The following VAT1L variants were observed in gnomAD, a reference collection of about 807,000 sequenced individuals.
VAT1L encodes the protein vesicle amine transport 1 like, also known as putative NADPH-dependent quinone oxidoreductase VAT1L.
A neutral mutation model predicts 44.1 loss-of-function variants in VAT1L; 34 were observed. The ratio of observed to expected loss-of-function variants is 0.77; its 90% confidence interval spans 0.59 to 1.03. The LOEUF (loss-of-function observed/expected upper bound fraction) is 1.03. Among genes scored for constraint, VAT1L ranks in the 50% least tolerant of loss-of-function variants. VAT1L has a pLI of 0.00. For synonymous variants in VAT1L, 253 were observed against 202.2 expected (o/e 1.25, Z -2.13); for missense variants, 615 against 538.8 (o/e 1.14, Z -1.40).
intron 3 of VAT1L, among the ~76,000 whole-genome samples, chr16:77,846,510 C>T (rs890233038): frequency 5.3e-5 from 8 of 152,298 alleles, no homozygotes; most frequent in Middle Eastern, 3.4e-3. Flanking sequence ...GTTAGTCAAA[C>T]AGCCAGCCAG....
intron 3 of VAT1L, among the ~76,000 whole-genome samples, chr16:77,848,345 G>C (rs1244335874): frequency 6.6e-6 from 1 of 152,162 alleles, no homozygotes; most frequent in Admixed American, 6.5e-5. Context: ...GGTTGGAGTG[G>C]ATGACTCAAG....
chr16:77,854,830 T>C (rs1162988401), intron 3 of VAT1L, among the ~76,000 whole-genome samples: 1 of 152,200 alleles, frequency 6.6e-6, no homozygotes, highest in African/African-American at 2.4e-5. Flanking sequence ...AGAAGAGATA[T>C]ACAAAATTCT....
At chr16:77,916,084 C>G (rs1488499092) in intron 7 of VAT1L, among the ~76,000 whole-genome samples, 2 of 152,204 alleles carry the variant, frequency 1.3e-5, no homozygotes, top group Non-Finnish European at 2.9e-5. Context: ...GCCTGCTGTG[C>G]AGGCAGCATC....
chr16:77,945,277 A>ATTTTTTTTTT (rs1567517602), intron 7 of VAT1L, among the ~76,000 whole-genome samples: 14 of 9,274 alleles, frequency 1.5e-3, no homozygotes, highest in South Asian at 6.1e-3. Flanking sequence ...AGATTGCAGA[A>ATTTTTTTTTT]CTTTTTTTTT....
At chr16:77,892,148 AT>A (rs1408174682) in intron 7 of VAT1L, among the ~76,000 whole-genome samples, 3 of 152,164 alleles carry the variant, frequency 2.0e-5, no homozygotes, top group Non-Finnish European at 4.4e-5. Context: ...GAGTAATGTG[AT>A]TGTCAGTTCT....
chr16:77,873,422 C>T (rs1223274746), intron 4 of VAT1L, among the ~76,000 whole-genome samples: 1 of 152,168 alleles, frequency 6.6e-6, no homozygotes, highest in Non-Finnish European at 1.5e-5. Flanking sequence ...CATATAGAGA[C>T]ACAGAATAGC....
intron 3 of VAT1L, among the ~76,000 whole-genome samples, chr16:77,859,729 C>G (rs928770211): frequency 2.6e-5 from 4 of 152,284 alleles, no homozygotes; most frequent in African/African-American, 9.6e-5. Context: ...AACACAGTTT[C>G]TGAATATAGG....
At chr16:77,818,848 A>C (rs1225911283) in intron 2 of VAT1L, among the ~76,000 whole-genome samples, 1 of 152,122 alleles carries the variant, frequency 6.6e-6, no homozygotes, top group Non-Finnish European at 1.5e-5. Flanking sequence ...TATAATTTTG[A>C]CTTAAGATCT....
At chr16:77,883,122 C>A (rs1298937459) in intron 6 of VAT1L, among the ~76,000 whole-genome samples, 2 of 152,178 alleles carry the variant, frequency 1.3e-5, no homozygotes, top group Non-Finnish European at 2.9e-5. Flanking sequence ...TAGTCAGTCT[C>A]CTTAATTCTT....
intron 7 of VAT1L, among the ~76,000 whole-genome samples, chr16:77,926,457 G>A (rs555084895): frequency 3.0e-4 from 45 of 151,916 alleles, no homozygotes; most frequent in African/African-American, 9.7e-4. Flanking sequence ...GGTGGCAGGC[G>A]CCTGTAATCC....
At chr16:77,933,733 G>GT (rs1302859325) in intron 7 of VAT1L, among the ~76,000 whole-genome samples, 1 of 152,196 alleles carries the variant, frequency 6.6e-6, no homozygotes, top group Non-Finnish European at 1.5e-5. Flanking sequence ...AGGCCCTGAG[G>GT]TGACAGTGGG....
chr16:77,948,600 TC>T, intron 7 of VAT1L, among the ~76,000 whole-genome samples: 1 of 152,290 alleles, frequency 6.6e-6, no homozygotes, highest in East Asian at 1.9e-4. Context: ...CCATACTCCT[TC>T]CCTGTTACCC....
rs1345959395 is a variant in VAT1L at position 77,879,648 on chromosome 16, C to T, written c.882+424C>T. Among the ~76,000 whole-genome samples the T allele has an allele frequency of 6.6e-6, 1 of 152,222 alleles. No individual in the cohort carries two copies. Among genetic ancestry groups the T allele is most frequent in the Non-Finnish European group, 1.5e-5 (1 of 68,046 alleles). The stretch of plus-strand genomic sequence containing the variant: ...TCTTTCAATTTCCTCGTTCATTTCC[C>T]ATAAAACCTGCACTCCTGCCCTATT... On this transcript the variant is annotated intron_variant, in intron 6 of 8. Transcript: ENST00000302536. This position sits in a 1 kb window ranked among gnomAD's most constrained non-coding sequence, Gnocchi z 4.1.
chr16:77,927,772 G>C (rs1315308153), intron 7 of VAT1L, among the ~76,000 whole-genome samples: 1 of 152,078 alleles, frequency 6.6e-6, no homozygotes, highest in Non-Finnish European at 1.5e-5. Context: ...GGGAGGATGA[G>C]GCAGGAGAAT....
In VAT1L at chr16:77,977,921, C is replaced by G. The variant is rs1021499576; in HGVS notation, c.*226C>G. The G allele has an allele frequency of 7.5e-5, 37 of 491,438 alleles. No individual in the cohort carries two copies. Among genetic ancestry groups the G allele is most frequent in the Non-Finnish European group, 3.0e-5 (8 of 269,100 alleles). 30.4% of individuals were successfully genotyped at this position (491,438 alleles called of 1,614,324 possible). A position where few individuals can be genotyped will look rare whatever the true frequency, so the allele number is the denominator to read the frequency against. On this transcript the variant is annotated 3_prime_UTR_variant, in exon 9 of 9. Transcript: ENST00000302536. ...CTATCTGTGTATTACACATTCCCCTCTCCCCTGTATCAAAACCATCCATCT... is the reference window on the plus strand; with the variant it reads ...CTATCTGTGTATTACACATTCCCCTGTCCCCTGTATCAAAACCATCCATCT...
At chr16:77,814,018 A>T (rs1026176922) in intron 1 of VAT1L, among the ~76,000 whole-genome samples, 1 of 152,176 alleles carries the variant, frequency 6.6e-6, no homozygotes, top group Non-Finnish European at 1.5e-5. Flanking sequence ...TCAGATCCTG[A>T]CTTTGACACT....
intron 7 of VAT1L, among the ~76,000 whole-genome samples, chr16:77,948,583 C>T (rs1235455205): frequency 1.3e-5 from 2 of 152,064 alleles, no homozygotes; most frequent in Non-Finnish European, 2.9e-5. Context: ...ACTGACACCC[C>T]CTGCCCCCAT....
At chr16:77,881,787 A>G (rs761905551) in intron 6 of VAT1L, among the ~76,000 whole-genome samples, 3 of 152,250 alleles carry the variant, frequency 2.0e-5, no homozygotes, top group African/African-American at 4.8e-5. Context: ...TCCCCTGAAG[A>G]CAGGCTTTGT....
chr16:77,814,641 T>C (rs1205759311), intron 1 of VAT1L, among the ~76,000 whole-genome samples: 1 of 152,234 alleles, frequency 6.6e-6, no homozygotes, highest in Non-Finnish European at 1.5e-5. Context: ...ATCATTGGTT[T>C]TCATGAAAAG....
Sources: allele counts gnomAD v4.1 joint callset (sites outside exome capture counted in the v4.1 genomes callset), GRCh38; gene constraint gnomAD v4.1.1; non-coding constraint Gnocchi (gnomAD v3.1); transcripts MANE v1.5; gene names NCBI Gene and HGNC (gene_info 2026-07-23, HGNC 2026-07-21).